CCDC88A: variants seen among roughly 807,000 people sequenced by gnomAD.
The protein encoded by CCDC88A is coiled-coil and HOOK domain protein 88A.
A neutral mutation model predicts 234.3 loss-of-function variants in CCDC88A; 54 were observed. The ratio of observed to expected loss-of-function variants is 0.23; its 90% CI spans 0.19 to 0.29. The LOEUF (loss-of-function observed/expected upper bound fraction) is 0.29, where lower values mean the gene tolerates loss of function less well. CCDC88A is among the 10% of genes least tolerant of loss of function. The pLI is 1.00. For synonymous variants in CCDC88A, 753 were observed against 737.8 expected, an observed-to-expected ratio of 1.02 and a Z score of -0.33; for missense variants, 1,832 against 2,123.4, an observed-to-expected ratio of 0.86 and a Z score of 2.70.
chr2:55,398,084 G>T (rs1330997453), intron 2 of CCDC88A, among the ~76,000 whole-genome samples: 1 of 152,118 alleles, frequency 6.6e-6, no homozygotes, highest in African/African-American at 2.4e-5. Flanking sequence ...ACAATCAAAA[G>T]GGATCTTAAA....
At chr2:55,303,955 T>C (rs1204058656) in intron 25 of CCDC88A, among the ~76,000 whole-genome samples, 1 of 152,202 alleles carries the variant, frequency 6.6e-6, no homozygotes, top group Non-Finnish European at 1.5e-5. Context: ...CACCACAGTA[T>C]TTTATTAATA....
At chr2:55,393,144 C>G (rs1479345243) in intron 2 of CCDC88A, among the ~76,000 whole-genome samples, 1 of 151,844 alleles carries the variant, frequency 6.6e-6, no homozygotes, top group Non-Finnish European at 1.5e-5. Context: ...AATCTCCCCA[C>G]AGAACTCTTA....
chr2:55,365,895 T>C (rs1671873121), intron 5 of CCDC88A, among the ~76,000 whole-genome samples: 1 of 152,214 alleles, frequency 6.6e-6, no homozygotes, highest in African/African-American at 2.4e-5. Context: ...ATGCAGCTAC[T>C]GAGTACCTGA....
At chr2:55,417,224 T>C (rs1681639672) in intron 2 of CCDC88A, 1 of 152,084 alleles carries the variant, frequency 6.6e-6, no homozygotes, top group Non-Finnish European at 1.5e-5. Flanking sequence ...AAAAGAATCA[T>C]TCAAATAAAA....
At position 55,317,633 on chromosome 2, in the gene CCDC88A, A is replaced by G. The variant is rs1378352321; in HGVS notation, c.3533T>C (p.Ile1178Thr). 2.5e-6 allele frequency: 4 copies of G among 1,611,040 alleles called. No individual in the cohort carries two copies. Among genetic ancestry groups the G allele is most frequent in the East Asian group, 2.2e-5 (1 of 44,796 alleles). Residue 1178 changes from isoleucine (I) to threonine (T), a missense_variant, in exon 20 of 33, where the codon ATC becomes ACC. Physicochemically the swap from Ile to Thr is moderately conservative, Grantham distance 89. Transcript: ENST00000436346. The surrounding 1 kb of genome is among the most constrained non-coding windows in gnomAD (Gnocchi z 4.2). ...AGACTTCAGAGTTCCATGTTTAGAG[A>G]TAAGAGATTCATACTCTGAAGCCTG... The part of the protein sequence containing the change: ...ERQASEYESL[I>T]SKHGTLKSAH...
At chr2:55,346,661 C>A (rs1260144815) in intron 9 of CCDC88A, among the ~76,000 whole-genome samples, 1 of 152,092 alleles carries the variant, frequency 6.6e-6, no homozygotes, top group East Asian at 1.9e-4. Flanking sequence ...CTCAGGTGAT[C>A]CACCTGCCTC....
At position 55,384,163 on chromosome 2, in the gene CCDC88A, AAGAC is replaced by A. The variant is rs573230946; in HGVS notation, c.273+4611_273+4614del. On this transcript the variant is annotated intron_variant, in intron 3 of 32. Coordinates refer to ENST00000436346, the MANE Select transcript of CCDC88A (RefSeq NM_001365480.1). ...ACAGTGAGCTGTGACTTAGGCAACA[AAGAC>A]AGACCTTGTTTCAATCAATCAATAA... Among the ~76,000 whole-genome samples the A allele has an allele frequency of 3.6e-3, 541 of 152,200 alleles. 3 individuals carry two copies. The highest frequency in any genetic ancestry group is 0.012 in the African/African-American group (518 of 41,530).
At chr2:55,361,420 A>C (rs930815576) in intron 7 of CCDC88A, among the ~76,000 whole-genome samples, 41 of 152,266 alleles carry the variant, frequency 2.7e-4, no homozygotes, top group African/African-American at 9.9e-4. Context: ...AAAAATGTTT[A>C]TTTTGTATAT....
intron 12 of CCDC88A, 113 bp from the exon 13 acceptor site, chr2:55,339,761 TTTA>T (rs1668247884): frequency 6.9e-6 from 5 of 727,954 alleles, no homozygotes; most frequent in Non-Finnish European, 1.1e-5. Flanking sequence ...GATCCTTAAC[TTTA>T]TTAAAAATTC....
intron 7 of CCDC88A, chr2:55,356,024 C>T: frequency 4.6e-6 from 1 of 217,200 alleles, no homozygotes; most frequent in Non-Finnish European, 9.1e-6. Context: ...TTCTGGGGTA[C>T]ACGTGCAGGG....
At chr2:55,369,488 G>A (rs1250596674) in intron 5 of CCDC88A, among the ~76,000 whole-genome samples, 1 of 130,534 alleles carries the variant, frequency 7.7e-6, no homozygotes, top group Non-Finnish European at 1.6e-5. Flanking sequence ...GTCTTGCTCT[G>A]TCGCCCAGGC....
At chr2:55,408,928 C>A (rs116470726) in intron 2 of CCDC88A, among the ~76,000 whole-genome samples, 5,251 of 152,192 alleles carry the variant, frequency 0.035, 201 homozygotes, top group Admixed American at 0.12. Context: ...TATTATTCAA[C>A]TATTCAGCTA....
rs578229126 is a variant in CCDC88A, at chr2:55,409,535, T to G, written c.164+9281A>C. 6.6e-5 allele frequency among the ~76,000 whole-genome samples: 10 copies of G among 152,276 alleles called. No homozygotes were observed. In the South Asian group the frequency reaches 2.1e-3, roughly 32 times the overall value. On this transcript the variant is annotated intron_variant, in intron 2 of 32. Transcript: ENST00000436346. Reference sequence around the variant, plus strand: ...GCATCCTATTCCTAGCATCTAACAGTTTATTACACAGTAAGTACTTAGAAA... The same window carrying G: ...GCATCCTATTCCTAGCATCTAACAGGTTATTACACAGTAAGTACTTAGAAA...
chr2:55,301,238 C>A lies in CCDC88A; in HGVS notation c.4712G>T (p.Ser1571Ile). ...SFEDISPQGV[S>I]DDSSTGSRVH... ...TCTTGATCCCGTACTAGAATCATCA[C>A]TAACACCTTGTGGACTTATGTCTTC... is the stretch of plus-strand genomic sequence containing the variant. The change falls in exon 28 of 33, where the codon AGT becomes ATT. Residue 1571 changes from serine (S) to isoleucine (I), a missense_variant. By Grantham distance (142) the Ser-to-Ile change is moderately radical (BLOSUM62 -2). Transcript: ENST00000436346. 6.3e-7 allele frequency: 1 copy of A among 1,598,490 alleles called. No homozygotes were observed.
intron 10 of CCDC88A, chr2:55,345,231 C>T (rs1415076720): frequency 6.6e-6 from 1 of 152,118 alleles, no homozygotes; most frequent in Non-Finnish European, 1.5e-5. Context: ...CCTATTGGGT[C>T]TACTTACTGG....
At chr2:55,305,216 A>C (rs1681404987) in intron 25 of CCDC88A, among the ~76,000 whole-genome samples, 1 of 152,178 alleles carries the variant, frequency 6.6e-6, no homozygotes, top group South Asian at 2.1e-4. Context: ...TGCTTTACTG[A>C]CAGATACTCT....
intron 2 of CCDC88A, among the ~76,000 whole-genome samples, chr2:55,393,872 C>A (rs2104913484): frequency 6.6e-6 from 1 of 152,306 alleles, no homozygotes; most frequent in East Asian, 1.9e-4. Flanking sequence ...CTGTAATTTT[C>A]TGATAGATAC....
At chr2:55,347,717 T>A (rs1399835698) in intron 9 of CCDC88A, among the ~76,000 whole-genome samples, 1 of 148,272 alleles carries the variant, frequency 6.7e-6, no homozygotes, top group African/African-American at 2.5e-5. Flanking sequence ...GTTCAAGCGA[T>A]TCTTGTGCCT....
At chr2:55,382,873 T>G (rs997050834) in intron 3 of CCDC88A, among the ~76,000 whole-genome samples, 1 of 152,134 alleles carries the variant, frequency 6.6e-6, no homozygotes, top group Non-Finnish European at 1.5e-5. Flanking sequence ...ACAACAGAAA[T>G]TGTTTTGCTT....
Sources: gnomAD v4.1 joint callset for allele counts (sites outside exome capture counted in the v4.1 genomes callset) on GRCh38, gnomAD v4.1.1 for gene constraint, Gnocchi (gnomAD v3.1) non-coding constraint, MANE v1.5 for transcripts, NCBI Gene and HGNC (gene_info 2026-07-23, HGNC 2026-07-21) for gene names.